Variants in MYO1F observed in about 807,000 individuals in gnomAD.
The protein encoded by MYO1F is myosin IF.
Under a neutral mutation model 146.6 loss-of-function variants are expected in MYO1F, and 60 were observed. The observed-to-expected ratio is 0.41, with a 90% CI of 0.33 to 0.51. The LOEUF (loss-of-function observed/expected upper bound fraction) is 0.51, where lower values mean the gene tolerates loss of function less well. Ranked by LOEUF, MYO1F falls within the 20% of genes least tolerant of loss-of-function variation. The probability of loss-of-function intolerance (pLI) is 0.25; values close to 1 mark genes in which losing one functional copy is unlikely to be tolerated. For missense variants in MYO1F, 1,274 were observed against 1,534.3 expected (o/e 0.83, Z 2.83); for synonymous variants, 602 against 602.1 (o/e 1.00, Z 0.00).
chr19:8,529,956 GATAC>G, intron 21 of MYO1F: 1 of 627,128 alleles, frequency 1.6e-6, no homozygotes, highest in Non-Finnish European at 2.9e-6. Flanking sequence ...CTGGGGGATA[GATAC>G]CTATGGACAG....
In MYO1F at chr19:8,550,689, A is replaced by G. The variant is rs1973567235; in HGVS notation, c.777T>C (p.Ala259=). ...DRSDFGETLS[A]MQVIGIPPSI... The stretch of plus-strand genomic sequence containing the variant: ...TGGGCGGGATCCCAATAACCTGCAT[A>G]GCACTCTGTGGTACAACGGGGGCAG... Residue 259 remains alanine (A), a synonymous_variant, in exon 9 of 28, where the codon GCT becomes GCC. Transcript: ENST00000644032. The G allele has an allele frequency of 6.2e-7, 1 of 1,613,968 alleles. No individual in the cohort carries two copies. Among genetic ancestry groups the G allele is most frequent in the African/African-American group, 1.3e-5 (1 of 74,912 alleles).
chr19:8,554,420 G>T, intron 4 of MYO1F, 57 bp downstream of exon 4: 1 of 1,448,314 alleles, frequency 6.9e-7, no homozygotes, highest in Non-Finnish European at 9.7e-7. Context: ...TGGGGGTGGT[G>T]ATGTTTCAGC....
Position 8,562,997 on chromosome 19 carries a change from C to T in MYO1F, c.4-7201G>A, listed in dbSNP as rs115444888. On this transcript the variant is annotated intron_variant, in intron 1 of 27. Transcript: ENST00000644032. ...CCTTAGCACCTTCTTTCCTTCTTTC[C>T]TTTTTTTGTTTTGATACCGAGTCTC... Among the ~76,000 whole-genome samples the T allele has an allele frequency of 9.8e-3, 1,475 of 150,324 alleles. 28 individuals are homozygous for T. The highest frequency in any genetic ancestry group is 0.034 in the African/African-American group (1,402 of 40,972).
chr19:8,575,930 T>C (rs1232515273), intron 1 of MYO1F, among the ~76,000 whole-genome samples: 2 of 152,204 alleles, frequency 1.3e-5, no homozygotes, highest in African/African-American at 2.4e-5. Context: ...CTTGGAAGAA[T>C]TCCCACCCCA....
intron 1 of MYO1F, among the ~76,000 whole-genome samples, chr19:8,562,207 T>C (rs1282718628): frequency 2.0e-5 from 3 of 151,416 alleles, no homozygotes; most frequent in African/African-American, 7.3e-5. Context: ...TTCACCGTGT[T>C]AGCCAGGATG....
At chr19:8,534,866 C>T (rs1051129234) in intron 19 of MYO1F, among the ~76,000 whole-genome samples, 2 of 151,364 alleles carry the variant, frequency 1.3e-5, no homozygotes, top group Non-Finnish European at 2.9e-5. Flanking sequence ...ACCTCGTGAT[C>T]CACTCGCCTC....
Position 8,521,029 on chromosome 19 carries a change from T to C in MYO1F, c.*499A>G. On this transcript the variant is annotated 3_prime_UTR_variant, in exon 28 of 28. Transcript: ENST00000644032. ...CTCTGAACCTCCATTGTTCCACCTG[T>C]AAGATGGGGTCCTTCACAGCTCCTA... 1 of 251,564 alleles carries C rather than the reference T, an allele frequency of 4.0e-6. No individual in the cohort carries two copies. The highest frequency in any genetic ancestry group is 5.0e-5 in the Admixed American group (1 of 19,838). The allele number at this position is 251,564 out of a possible 1,614,324, so 15.6% of individuals were successfully genotyped here.
chr19:8,562,227 T>A (rs1199638981), intron 1 of MYO1F, among the ~76,000 whole-genome samples: 2 of 151,866 alleles, frequency 1.3e-5, no homozygotes, highest in East Asian at 3.9e-4. Context: ...GGTCTTGATC[T>A]CCTGACCTCG....
At chr19:8,538,699 T>C (rs1466501146) in intron 16 of MYO1F, among the ~76,000 whole-genome samples, 1 of 151,890 alleles carries the variant, frequency 6.6e-6, no homozygotes, top group Non-Finnish European at 1.5e-5. Context: ...ATGATCCTCC[T>C]GCCTCAGCCT....
rs1972269459 is a variant in MYO1F, at chr19:8,526,442, C to G, written c.2770+11G>C. ...CCCCGCCCCCTCTGCCCTAGTTCCGCGCAGACTCACTGGAGCTCTTGGGCA... is the reference window on the plus strand; with the variant it reads ...CCCCGCCCCCTCTGCCCTAGTTCCGGGCAGACTCACTGGAGCTCTTGGGCA... On this transcript the variant is annotated intron_variant, in intron 24 of 27. Transcript: ENST00000644032. 6.4e-7 allele frequency: 1 copy of G among 1,552,442 alleles called. No homozygotes were observed.
chr19:8,532,903 TACACACACACACACACACACACACAC>T (rs60799506), intron 19 of MYO1F, among the ~76,000 whole-genome samples: 1 of 113,164 alleles, frequency 8.8e-6, no homozygotes, highest in South Asian at 3.0e-4. Context: ...AAAAAAAAAA[TACACACACACACACACACACACACAC>T]ACACACACAC....
At chr19:8,572,102 C>T (rs904085688) in intron 1 of MYO1F, among the ~76,000 whole-genome samples, 6 of 152,132 alleles carry the variant, frequency 3.9e-5, no homozygotes, top group African/African-American at 7.2e-5. Context: ...CGGTGGCTAC[C>T]GTCTCAAACA....
At chr19:8,548,536 A>G (rs539541834) in intron 10 of MYO1F, among the ~76,000 whole-genome samples, 8 of 152,014 alleles carry the variant, frequency 5.3e-5, no homozygotes, top group African/African-American at 1.7e-4. Context: ...TCAGTGTATC[A>G]GGGTCCCTGA....
intron 9 of MYO1F, 70 bp downstream of exon 9, chr19:8,550,492 G>T: frequency 6.2e-7 from 1 of 1,612,782 alleles, no homozygotes; most frequent in Non-Finnish European, 8.5e-7. Flanking sequence ...CTTCCTGGGG[G>T]CTGAGCTAGG....
rs372844037 is a variant in MYO1F at position 8,527,376 on chromosome 19, C to G, written c.2436G>C (p.Lys812Asn). The G allele has an allele frequency of 6.2e-7, 1 of 1,614,014 alleles. No individual in the cohort carries two copies. Among genetic ancestry groups the G allele is most frequent in the African/African-American group, 1.3e-5 (1 of 74,902 alleles). Reference protein sequence around the residue: ...EKGQVCEVLKKKVDIQALRGV... With the variant: ...EKGQVCEVLKNKVDIQALRGV... Reference sequence around the variant, plus strand: ...CCCGCAGAGCCTGGATGTCCACTTTCTTCTTCAAGACTTCACACACCTGGC... The same window carrying G: ...CCCGCAGAGCCTGGATGTCCACTTTGTTCTTCAAGACTTCACACACCTGGC... Residue 812 changes from lysine to asparagine, a missense_variant, in exon 22 of 28, where the codon AAG becomes AAC. Physicochemically the swap from Lys to Asn is moderately conservative, Grantham distance 94. Coordinates refer to ENST00000644032, the MANE Select transcript of MYO1F (RefSeq NM_012335.4).
chr19:8,546,881 G>A (rs1273018419), intron 12 of MYO1F, among the ~76,000 whole-genome samples: 1 of 152,014 alleles, frequency 6.6e-6, no homozygotes, highest in Non-Finnish European at 1.5e-5. Flanking sequence ...GTTTCACCAT[G>A]TTGGCCAGGC....
intron 25 of MYO1F, among the ~76,000 whole-genome samples, chr19:8,524,582 C>CAA (rs35275313): frequency 3.7e-4 from 49 of 132,072 alleles, no homozygotes; most frequent in African/African-American, 1.3e-3. Flanking sequence ...GAGACTGTCT[C>CAA]AAAAAAAAAA....
chr19:8,554,204 G>A (rs1295172902), intron 4 of MYO1F, among the ~76,000 whole-genome samples: 2 of 152,032 alleles, frequency 1.3e-5, no homozygotes, highest in East Asian at 1.9e-4. Context: ...AGATCCTCTC[G>A]CCTTGGCCTC....
At chr19:8,525,253 A>G in intron 25 of MYO1F, 3 of 361,258 alleles carry the variant, frequency 8.3e-6, no homozygotes, top group Non-Finnish European at 1.6e-5. Context: ...AGTGTAGGGT[A>G]GGAGGAGAGA....
Sources: gnomAD v4.1 joint callset for allele counts (sites outside exome capture counted in the v4.1 genomes callset) on GRCh38, gnomAD v4.1.1 for gene constraint, MANE v1.5 for transcripts, NCBI Gene and HGNC (gene_info 2026-07-23, HGNC 2026-07-21) for gene names.